The following C4orf33 variants were observed in gnomAD, a reference collection of about 807,000 sequenced individuals.
C4orf33 encodes the protein UPF0462 protein C4orf33.
A neutral mutation model predicts 24.3 loss-of-function variants in C4orf33; 20 were observed. That is an observed-to-expected ratio of 0.82 (90% CI 0.58 to 1.19). The LOEUF (loss-of-function observed/expected upper bound fraction) is 1.19, where lower values mean the gene tolerates loss of function less well. Among genes scored for constraint, C4orf33 ranks in the 50% most tolerant of loss-of-function variants. The pLI is 0.00. For missense variants in C4orf33, 207 were observed against 225.9 expected (o/e 0.92, Z 0.54); for synonymous variants, 67 against 76.4 (o/e 0.88, Z 0.64).
intron 3 of C4orf33, among the ~76,000 whole-genome samples, chr4:129,108,136 A>G (rs1468112055): frequency 6.6e-6 from 1 of 152,136 alleles, no homozygotes; most frequent in East Asian, 1.9e-4. Context: ...ATGTACTCCT[A>G]AGGCTGCATA....
intron 2 of C4orf33, 124 bp downstream of exon 2, chr4:129,102,915 T>A (rs1485457027): frequency 2.8e-6 from 2 of 721,842 alleles, no homozygotes; most frequent in Non-Finnish European, 4.3e-6. Flanking sequence ...GTACAGTTTC[T>A]GATATTTCCT....
Position 129,115,794 on chromosome 4 carries a change from C to A in C4orf33, c.*4003C>A, listed in dbSNP as rs1395059094. 4 of 89,354 alleles carry A rather than the reference C, an allele frequency of 4.5e-5. No individual in the cohort carries two copies. The highest frequency in any genetic ancestry group is 1.5e-4 in the Admixed American group (1 of 6,646). 5.5% of individuals were successfully genotyped at this position (89,354 alleles called of 1,614,324 possible). A position where few individuals can be genotyped will look rare whatever the true frequency, so the allele number is the denominator to read the frequency against. On this transcript the variant is annotated 3_prime_UTR_variant, in exon 6 of 6. Coordinates refer to ENST00000425929, the MANE Select transcript of C4orf33 (RefSeq NM_001099783.2). ...GAGGAATATGTGCCTAACAAATCTT[C>A]TAACTAAATATATATATATATATAT... is the stretch of plus-strand genomic sequence containing the variant.
intron 3 of C4orf33, 61 bp from the exon 4 acceptor site, chr4:129,109,246 A>T (rs1753612388): frequency 7.0e-7 from 1 of 1,427,634 alleles, no homozygotes; most frequent in East Asian, 2.3e-5. Context: ...TGTATAAAGG[A>T]TAGTGAAGAA....
chr4:129,102,895 C>A, intron 2 of C4orf33, 104 bp downstream of exon 2: 3 of 986,852 alleles, frequency 3.0e-6, no homozygotes, highest in South Asian at 1.7e-5. Flanking sequence ...TGCTTCTGAG[C>A]AATTGACATG....
At chr4:129,098,557 G>A (rs1489828966) in intron 1 of C4orf33, among the ~76,000 whole-genome samples, 4 of 152,206 alleles carry the variant, frequency 2.6e-5, no homozygotes, top group Non-Finnish European at 5.9e-5. Flanking sequence ...TACTAATGCA[G>A]GGAAAGCCCA....
chr4:129,095,343 T>C (rs568141196), upstream of C4orf33, among the ~76,000 whole-genome samples: 42 of 152,276 alleles, frequency 2.8e-4, no homozygotes, highest in Middle Eastern at 3.4e-3. Context: ...GCATTATCTG[T>C]CATGTTTTGT....
intron 3 of C4orf33, among the ~76,000 whole-genome samples, chr4:129,108,827 A>G (rs1432637957): frequency 6.6e-6 from 1 of 152,206 alleles, no homozygotes; most frequent in Non-Finnish European, 1.5e-5. Flanking sequence ...GGTAAACCCA[A>G]AGATGTCATT....
intron 3 of C4orf33, among the ~76,000 whole-genome samples, chr4:129,107,135 C>A (rs1214708846): frequency 2.0e-5 from 3 of 151,858 alleles, no homozygotes; most frequent in Non-Finnish European, 4.4e-5. Context: ...TTCATGTATT[C>A]ATTCTTTATT....
At chr4:129,106,252 C>G (rs988436715) in intron 2 of C4orf33, among the ~76,000 whole-genome samples, 4 of 151,918 alleles carry the variant, frequency 2.6e-5, no homozygotes, top group Admixed American at 2.0e-4. Flanking sequence ...ATTCTTTTCC[C>G]AGTTGTCAGA....
chr4:129,110,418 T>C (rs1753662056), intron 5 of C4orf33, among the ~76,000 whole-genome samples: 1 of 152,240 alleles, frequency 6.6e-6, no homozygotes, highest in African/African-American at 2.4e-5. Context: ...CTAGAGCTCC[T>C]GGCCAGCCTT....
chr4:129,106,756 C>T, intron 3 of C4orf33, 109 bp downstream of exon 3: 2 of 578,964 alleles, frequency 3.5e-6, no homozygotes, highest in Non-Finnish European at 6.0e-6. Context: ...AAGAATGGTA[C>T]TCTGAATTTG....
At chr4:129,110,718 G>C (rs1753673753) in intron 5 of C4orf33, among the ~76,000 whole-genome samples, 1 of 151,890 alleles carries the variant, frequency 6.6e-6, no homozygotes, top group Non-Finnish European at 1.5e-5. Flanking sequence ...ATGCTTCTTT[G>C]TCTTTATCAC....
At chr4:129,094,787 T>C (rs1385854673), upstream of C4orf33, among the ~76,000 whole-genome samples, 1 of 152,200 alleles carries the variant, frequency 6.6e-6, no homozygotes. Context: ...ACGTTATAGC[T>C]AAGGGAAAAT....
At chr4:129,102,866 C>G (rs756180876) in intron 2 of C4orf33, 75 bp downstream of exon 2, 357 of 1,376,204 alleles carry the variant, frequency 2.6e-4, no homozygotes, top group Non-Finnish European at 3.3e-4. Context: ...ATTATTTTAT[C>G]TTGCTGTTGG....
Position 129,097,169 on chromosome 4 carries a change from A to G in C4orf33, c.-10+960A>G, listed in dbSNP as rs181572937. Among the ~76,000 whole-genome samples the G allele has an allele frequency of 3.2e-3, 486 of 152,334 alleles. 3 individuals are homozygous for G. Among genetic ancestry groups the G allele is most frequent in the South Asian group, 0.012 (60 of 4,830 alleles). On this transcript the variant is annotated intron_variant, in intron 1 of 5. Coordinates refer to ENST00000425929, the MANE Select transcript of C4orf33 (RefSeq NM_001099783.2). ...TGATCCGCCTGCCTTGGCCTCCCAA[A>G]GTGCTGGGATTACAGGTGTGAGCCA...
chr4:129,113,611 A>G lies in C4orf33; in HGVS notation c.*1820A>G, dbSNP rs1753731409. The G allele has an allele frequency of 6.6e-6, 1 of 152,140 alleles. No homozygotes were observed. The highest frequency in any genetic ancestry group is 1.5e-5 in the Non-Finnish European group (1 of 68,024). The allele number at this position is 152,140 out of a possible 1,614,324, so 9.4% of individuals were successfully genotyped here. A position where few individuals can be genotyped will look rare whatever the true frequency, so the allele number is the denominator to read the frequency against. On this transcript the variant is annotated 3_prime_UTR_variant, in exon 6 of 6. Coordinates refer to ENST00000425929, the MANE Select transcript of C4orf33 (RefSeq NM_001099783.2). ...AGTGTCAAGCAGATTCTCTCTTCTC[A>G]CCACCTAAATAGATTACACAATGTG...
At chr4:129,106,455 G>A in intron 2 of C4orf33, 132 bp from the exon 3 acceptor site, 1 of 490,434 alleles carries the variant, frequency 2.0e-6, no homozygotes, top group Middle Eastern at 5.4e-4. Flanking sequence ...TATTTTCTTT[G>A]CTCTTTTTCC....
At chr4:129,110,870 T>C (rs1359821955) in intron 5 of C4orf33, among the ~76,000 whole-genome samples, 1 of 151,984 alleles carries the variant, frequency 6.6e-6, no homozygotes, top group African/African-American at 2.4e-5. Context: ...AATCTCTTAC[T>C]CTGGGATTGA....
At chr4:129,096,863 G>C (rs1036638348) in intron 1 of C4orf33, among the ~76,000 whole-genome samples, 1 of 152,070 alleles carries the variant, frequency 6.6e-6, no homozygotes, top group Non-Finnish European at 1.5e-5. Context: ...GGGGAGAAGA[G>C]GCAGCCACCA....
Sources: gnomAD v4.1 joint callset for allele counts (sites outside exome capture counted in the v4.1 genomes callset) on GRCh38, gnomAD v4.1.1 for gene constraint, MANE v1.5 for transcripts, NCBI Gene and HGNC (gene_info 2026-07-23, HGNC 2026-07-21) for gene names.